Variants in PLCE1 observed in about 807,000 individuals in gnomAD.
PLCE1 encodes the protein phospholipase C epsilon 1, also known as 1-phosphatidylinositol 4,5-bisphosphate phosphodiesterase epsilon-1.
PLCE1 carries 119 observed loss-of-function variants against 242.8 expected under a neutral mutation model. That is an observed-to-expected ratio of 0.49 (90% CI 0.42 to 0.57). The LOEUF (loss-of-function observed/expected upper bound fraction) is 0.57, where lower values mean the gene tolerates loss of function less well. Ranked by LOEUF, PLCE1 falls within the 20% of genes least tolerant of loss-of-function variation. The pLI, the probability that PLCE1 is intolerant of heterozygous loss-of-function variation, is 0.00. For synonymous variants in PLCE1, 945 were observed against 1,017.4 expected (o/e 0.93, Z 1.35); for missense variants, 2,441 against 2,788.8 (o/e 0.88, Z 2.81).
chr10:94,239,737 T>C (rs997001145), intron 7 of PLCE1, among the ~76,000 whole-genome samples: 9 of 151,964 alleles, frequency 5.9e-5, no homozygotes, highest in Admixed American at 5.9e-4. Context: ...TCCAACCCCA[T>C]AGGGATAGGA....
At chr10:94,311,445 T>G (rs2053384289) in intron 27 of PLCE1, among the ~76,000 whole-genome samples, 1 of 152,220 alleles carries the variant, frequency 6.6e-6, no homozygotes, top group African/African-American at 2.4e-5. Flanking sequence ...CAAATATGTA[T>G]TTTTTGTTAT....
At position 94,258,788 on chromosome 10, in the gene PLCE1, T is replaced by C. The variant is rs747874239; in HGVS notation, c.3555-12T>C. 3 of 1,614,054 alleles carry C rather than the reference T, an allele frequency of 1.9e-6. No individual in the cohort carries two copies. Among genetic ancestry groups the C allele is most frequent in the Admixed American group, 3.3e-5 (2 of 60,022 alleles). ...TGCCCTTGTGCCCATGAAGGCCTTG[T>C]CTTTGTTGCAGTGCTTGGAGCAGTA... On this transcript the variant is annotated splice_polypyrimidine_tract_variant and intron_variant, in intron 11 of 32. Coordinates refer to ENST00000371380, the MANE Select transcript of PLCE1 (RefSeq NM_016341.4).
intron 1 of PLCE1, among the ~76,000 whole-genome samples, chr10:94,009,985 C>T (rs942460980): frequency 1.3e-5 from 2 of 152,246 alleles, no homozygotes; most frequent in Non-Finnish European, 2.9e-5. Flanking sequence ...GTACAAAACA[C>T]TGTGGGGGCT....
At chr10:93,994,929 G>C (rs1443137072) in intron 1 of PLCE1, among the ~76,000 whole-genome samples, 3 of 152,208 alleles carry the variant, frequency 2.0e-5, no homozygotes, top group African/African-American at 7.2e-5. Flanking sequence ...TACCTGTTAA[G>C]TAGGATTCAC....
chr10:94,278,942 A>T (rs138191313), intron 19 of PLCE1, among the ~76,000 whole-genome samples: 1 of 152,268 alleles, frequency 6.6e-6, no homozygotes, highest in Non-Finnish European at 1.5e-5. Flanking sequence ...TATTCAATGC[A>T]TAAATATTGA....
chr10:94,243,067 G>A (rs2050561698), intron 7 of PLCE1, among the ~76,000 whole-genome samples: 1 of 152,122 alleles, frequency 6.6e-6, no homozygotes, highest in African/African-American at 2.4e-5. Flanking sequence ...AGTAGAGTAT[G>A]GAAATGAGTT....
chr10:93,997,632 C>CT (rs34338995), intron 1 of PLCE1, among the ~76,000 whole-genome samples: 6,571 of 79,892 alleles, frequency 0.082, 81 homozygotes, highest in Non-Finnish European at 0.11. Context: ...AATAACCATC[C>CT]TTTTTTTTTT....
At chr10:94,160,393 G>A (rs1182524058) in intron 3 of PLCE1, among the ~76,000 whole-genome samples, 1 of 152,162 alleles carries the variant, frequency 6.6e-6, no homozygotes, top group African/African-American at 2.4e-5. Flanking sequence ...TTTTTCATGT[G>A]TCTGTTGGCT....
At chr10:94,243,204 A>G (rs1210235565) in intron 7 of PLCE1, among the ~76,000 whole-genome samples, 2 of 152,164 alleles carry the variant, frequency 1.3e-5, no homozygotes, top group Admixed American at 6.5e-5. Flanking sequence ...TAAGAATGAT[A>G]CTTTACCTCT....
intron 1 of PLCE1, among the ~76,000 whole-genome samples, chr10:94,023,279 T>C (rs1298997332): frequency 6.6e-6 from 1 of 152,166 alleles, no homozygotes; most frequent in Non-Finnish European, 1.5e-5. Context: ...ATAACTCTTC[T>C]TTGGGGGTTG....
intron 7 of PLCE1, among the ~76,000 whole-genome samples, chr10:94,236,937 A>G (rs2050345069): frequency 6.6e-6 from 1 of 152,208 alleles, no homozygotes; most frequent in Admixed American, 6.5e-5. Context: ...AATAACTATG[A>G]ATAATTGAGG....
intron 4 of PLCE1, among the ~76,000 whole-genome samples, chr10:94,205,274 G>A (rs149859548): frequency 9.1e-4 from 138 of 152,236 alleles, no homozygotes; most frequent in African/African-American, 3.3e-3. Flanking sequence ...TTATTATTAT[G>A]GTAATAATAG....
intron 2 of PLCE1, among the ~76,000 whole-genome samples, chr10:94,066,899 G>A (rs1434925545): frequency 6.6e-6 from 1 of 152,134 alleles, no homozygotes; most frequent in Non-Finnish European, 1.5e-5. Context: ...TTCCAAACCT[G>A]CATCACTCCA....
At chr10:94,014,579 C>T (rs1242441802) in intron 1 of PLCE1, among the ~76,000 whole-genome samples, 4 of 152,102 alleles carry the variant, frequency 2.6e-5, no homozygotes, top group Non-Finnish European at 4.4e-5. Context: ...GCAATTGTTA[C>T]CATTGCCTCT....
At chr10:94,005,977 T>C (rs774114684) in intron 1 of PLCE1, among the ~76,000 whole-genome samples, 7 of 152,188 alleles carry the variant, frequency 4.6e-5, no homozygotes, top group Non-Finnish European at 1.5e-5. Flanking sequence ...TCTCAAGAAA[T>C]ACATGTTGAT....
intron 5 of PLCE1, among the ~76,000 whole-genome samples, chr10:94,231,143 C>A (rs2050130647): frequency 6.6e-6 from 1 of 152,112 alleles, no homozygotes; most frequent in African/African-American, 2.4e-5. Context: ...TCTTTATAAT[C>A]ATAAAGATGA....
At chr10:94,132,919 T>C (rs568514261) in intron 3 of PLCE1, among the ~76,000 whole-genome samples, 13 of 136,904 alleles carry the variant, frequency 9.5e-5, no homozygotes, top group East Asian at 6.3e-4. Flanking sequence ...CACTGCACTC[T>C]AGCCTAGGCA....
chr10:94,232,617 C>T (rs2050182954), intron 5 of PLCE1, among the ~76,000 whole-genome samples: 1 of 152,162 alleles, frequency 6.6e-6, no homozygotes. Flanking sequence ...GCACAATTAC[C>T]TAGCAAAATG....
chr10:94,132,819 G>A (rs925264849), intron 3 of PLCE1, among the ~76,000 whole-genome samples: 7 of 152,116 alleles, frequency 4.6e-5, no homozygotes, highest in South Asian at 2.1e-4. Context: ...GGGTGGTGGC[G>A]GGCGCCTGTT....
Sources: allele counts gnomAD v4.1 joint callset (sites outside exome capture counted in the v4.1 genomes callset), GRCh38; gene constraint gnomAD v4.1.1; transcripts MANE v1.5; gene names NCBI Gene and HGNC (gene_info 2026-07-23, HGNC 2026-07-21).